Variants in SPTAN1 observed in about 807,000 individuals in gnomAD.
SPTAN1 encodes spectrin alpha, non-erythrocytic 1, also known as spectrin alpha chain, non-erythrocytic 1.
A neutral mutation model predicts 331.3 loss-of-function variants in SPTAN1; 61 were observed. The observed-to-expected ratio is 0.18, with a 90% confidence interval of 0.15 to 0.23. The LOEUF is 0.23. Among genes scored for constraint, SPTAN1 ranks in the 10% least tolerant of loss-of-function variants. SPTAN1 has a pLI of 1.00. For synonymous variants in SPTAN1, 1,153 were observed against 1,173.9 expected, an observed-to-expected ratio of 0.98 and a Z score of 0.36; for missense variants, 2,043 against 3,147.9, an observed-to-expected ratio of 0.65 and a Z score of 8.40.
At chr9:128,555,739 C>CT (rs1848567713) in intron 1 of SPTAN1, among the ~76,000 whole-genome samples, 1 of 149,202 alleles carries the variant, frequency 6.7e-6, no homozygotes, top group South Asian at 2.1e-4. Context: ...TTATTGGTGG[C>CT]TACTTGGTTT....
chr9:128,580,933 T>G lies in SPTAN1; in HGVS notation c.1335T>G (p.Leu445=), dbSNP rs1312325109. ...SDEVREKLTV[L]SEERAALLEL... ...CCTATGCCCCCAAGCTGACCGTCCT[T>G]TCCGAGGAGAGAGCGGCGCTGCTGG... Residue 445 remains leucine (L), a synonymous_variant, in exon 11 of 57, where the codon CTT becomes CTG. Transcript: ENST00000372739. The G allele has an allele frequency of 1.2e-6, 2 of 1,613,082 alleles. No individual in the cohort carries two copies. The highest frequency in any genetic ancestry group is 1.7e-6 in the Non-Finnish European group (2 of 1,180,016).
chr9:128,555,950 G>A (rs761062286), intron 1 of SPTAN1, among the ~76,000 whole-genome samples: 2 of 151,992 alleles, frequency 1.3e-5, no homozygotes, highest in East Asian at 1.9e-4. Context: ...GGCTGGGTGC[G>A]GTGGCTCATG....
chr9:128,619,375 T>G lies in SPTAN1; in HGVS notation c.5733+372T>G, dbSNP rs192734104. On this transcript the variant is annotated intron_variant, in intron 44 of 56. Transcript: ENST00000372739. ...TGGAGTGGCTGAGGACAACAGAGAT[T>G]TATTGCTTCTCAGTTCTGGAGGCCA... 1.5e-4 allele frequency among the ~76,000 whole-genome samples: 23 copies of G among 152,316 alleles called. No homozygotes were observed. In the East Asian group the frequency reaches 4.2e-3, roughly 28 times the overall value.
chr9:128,612,159 A>C lies in SPTAN1; in HGVS notation c.4956A>C (p.Ser1652=). Residue 1652 remains serine (S), a synonymous_variant, in exon 39 of 57, where the codon TCA becomes TCC. Transcript: ENST00000372739. ...AGTGGCAGTTCTTGGTGCAAAAGTC[A>C]GCGGAAAAGAGCCAGAAACTGAAAG... The part of the protein sequence containing the change: ...ADQWQFLVQK[S]AEKSQKLKEA... 6.2e-7 allele frequency: 1 copy of C among 1,614,116 alleles called. No individual in the cohort carries two copies. The highest frequency in any genetic ancestry group is 8.5e-7 in the Non-Finnish European group (1 of 1,180,032).
At chr9:128,590,062 C>T (rs1853269954) in intron 21 of SPTAN1, among the ~76,000 whole-genome samples, 1 of 152,206 alleles carries the variant, frequency 6.6e-6, no homozygotes, top group Non-Finnish European at 1.5e-5. Context: ...GAAGCATGCA[C>T]AGATTGACTG....
chr9:128,631,902 C>T (rs1859805172), intron 52 of SPTAN1: 14 of 582,570 alleles, frequency 2.4e-5, no homozygotes, highest in Non-Finnish European at 4.3e-5. Context: ...TCTGGCAGGT[C>T]TACCAGCTGC....
At chr9:128,565,758 AAC>A (rs1250280648) in intron 1 of SPTAN1, among the ~76,000 whole-genome samples, 1 of 152,214 alleles carries the variant, frequency 6.6e-6, no homozygotes, top group Non-Finnish European at 1.5e-5. Context: ...TTTCCAGGGT[AAC>A]ACAATTTTAT....
chr9:128,613,832 C>G (rs1205519458), intron 40 of SPTAN1, among the ~76,000 whole-genome samples: 1 of 151,580 alleles, frequency 6.6e-6, no homozygotes, highest in Non-Finnish European at 1.5e-5. Flanking sequence ...GGTGAGACCT[C>G]CGTCTCTACT....
chr9:128,625,197 C>T lies in SPTAN1; in HGVS notation c.6069+18C>T, dbSNP rs577306590. 6.2e-7 allele frequency: 1 copy of T among 1,613,396 alleles called. No homozygotes were observed. Among genetic ancestry groups the T allele is most frequent in the South Asian group, 1.1e-5 (1 of 91,048 alleles). On this transcript the variant is annotated intron_variant, in intron 47 of 56. Coordinates refer to ENST00000372739, the MANE Select transcript of SPTAN1 (RefSeq NM_001130438.3). The surrounding 1 kb of genome is among the most constrained non-coding windows in gnomAD (Gnocchi z 4.1). Reference sequence around the variant, plus strand: ...CCAAACAGGTCTGCCCTGGCCCCTTCACTGGTTGAAATGTATGCAGATAGC... The same window carrying T: ...CCAAACAGGTCTGCCCTGGCCCCTTTACTGGTTGAAATGTATGCAGATAGC...
At chr9:128,622,543 C>T (rs1040434770) in intron 45 of SPTAN1, among the ~76,000 whole-genome samples, 2 of 151,774 alleles carry the variant, frequency 1.3e-5, no homozygotes, top group East Asian at 3.9e-4. Context: ...AGGTGATCCG[C>T]CCTCCTCGGC....
chr9:128,567,618 G>A (rs376768655), intron 2 of SPTAN1, among the ~76,000 whole-genome samples: 13 of 151,924 alleles, frequency 8.6e-5, no homozygotes, highest in African/African-American at 3.1e-4. Context: ...AGGCATAATA[G>A]TGATGTTGCT....
rs376357226 is a variant in SPTAN1 at position 128,625,091 on chromosome 9, T to C, written c.5993-12T>C. ...GAGGAGGGCAGTATATTTTCCACAC[T>C]TCGTTTTCTAGGTGAAAAGGAGAAC... On this transcript the variant is annotated splice_polypyrimidine_tract_variant and intron_variant, in intron 46 of 56. Transcript: ENST00000372739. The surrounding 1 kb of genome is among the most constrained non-coding windows in gnomAD (Gnocchi z 4.1). 10 of 1,613,838 alleles carry C rather than the reference T, an allele frequency of 6.2e-6. No individual in the cohort carries two copies. The African/African-American group carries it at 1.1e-4, about 17-fold the overall frequency.
rs1262298891 is a variant in SPTAN1, at chr9:128,552,635, C to G, written c.-65C>G. The G allele has an allele frequency of 1.3e-5, 2 of 151,688 alleles. No homozygotes were observed. 9.4% of individuals were successfully genotyped at this position (151,688 alleles called of 1,614,324 possible). ...CGGTGTGGAGCGGAGGCCGCGGAGG[C>G]TCCTCGGTCCTTCAGCACCCCTCGG... On this transcript the variant is annotated 5_prime_UTR_variant, in exon 1 of 57. Coordinates refer to ENST00000372739, the MANE Select transcript of SPTAN1 (RefSeq NM_001130438.3). This position sits in a 1 kb window ranked among gnomAD's most constrained non-coding sequence, Gnocchi z 4.6.
intron 51 of SPTAN1, 125 bp from the exon 52 acceptor site, chr9:128,630,196 T>G: frequency 2.0e-6 from 2 of 1,001,556 alleles, no homozygotes; most frequent in Non-Finnish European, 3.2e-6. Flanking sequence ...CCAGTTGCAG[T>G]TAGGTTTGGT....
intron 2 of SPTAN1, among the ~76,000 whole-genome samples, chr9:128,568,389 A>G (rs1850279864): frequency 6.6e-6 from 1 of 152,248 alleles, no homozygotes; most frequent in Non-Finnish European, 1.5e-5. Context: ...TTCAAGAGTA[A>G]GCACTGAATG....
intron 40 of SPTAN1, among the ~76,000 whole-genome samples, chr9:128,615,121 A>G (rs1179169121): frequency 6.6e-6 from 1 of 152,226 alleles, no homozygotes; most frequent in Non-Finnish European, 1.5e-5. Flanking sequence ...TTTTATCATT[A>G]GTAACAAACT....
At chr9:128,581,393 A>G (rs866682337) in intron 11 of SPTAN1, among the ~76,000 whole-genome samples, 7 of 151,510 alleles carry the variant, frequency 4.6e-5, no homozygotes, top group Middle Eastern at 3.2e-3. Context: ...GTATCCCTTG[A>G]GCCCAGGAGC....
At chr9:128,622,623 G>A (rs910557304) in intron 45 of SPTAN1, among the ~76,000 whole-genome samples, 1 of 151,944 alleles carries the variant, frequency 6.6e-6, no homozygotes, top group Non-Finnish European at 1.5e-5. Context: ...TTTGTCCTCA[G>A]CGACAGCCTG....
chr9:128,603,635 C>T (rs1855452758), intron 28 of SPTAN1, 45 bp downstream of exon 28: 1 of 1,604,960 alleles, frequency 6.2e-7, no homozygotes, highest in South Asian at 1.1e-5. Flanking sequence ...TGGTTTTCTC[C>T]ACTATCTTCC....
Sources: gnomAD v4.1 joint callset for allele counts (sites outside exome capture counted in the v4.1 genomes callset) on GRCh38, gnomAD v4.1.1 for gene constraint, Gnocchi (gnomAD v3.1) non-coding constraint, MANE v1.5 for transcripts, NCBI Gene and HGNC (gene_info 2026-07-23, HGNC 2026-07-21) for gene names.